DNMT3A: variants seen among roughly 807,000 people sequenced by gnomAD.
DNMT3A encodes DNA (cytosine-5)-methyltransferase 3A.
Under a neutral mutation model 117.6 loss-of-function variants are expected in DNMT3A, and 267 were observed. The ratio of observed to expected loss-of-function variants is 2.27; its 90% CI spans 2.05 to 2.51. The LOEUF (loss-of-function observed/expected upper bound fraction) is 2.51. Ranked by LOEUF, DNMT3A falls within the 30% of genes most tolerant of loss-of-function variation. The pLI, the probability that DNMT3A is intolerant of heterozygous loss-of-function variation, is 0.00. For synonymous variants in DNMT3A, 432 were observed against 474.8 expected, an observed-to-expected ratio of 0.91 and a Z score of 1.17; for missense variants, 1,029 against 1,260.2, an observed-to-expected ratio of 0.82 and a Z score of 2.78.
chr2:25,291,321 G>A (rs901803587), intron 3 of DNMT3A, among the ~76,000 whole-genome samples: 14 of 152,274 alleles, frequency 9.2e-5, no homozygotes, highest in East Asian at 1.9e-4. Flanking sequence ...GCCCGCCCCC[G>A]CCCTTCCGGC....
chr2:25,276,142 G>A (rs2031392028), intron 4 of DNMT3A, among the ~76,000 whole-genome samples: 1 of 152,146 alleles, frequency 6.6e-6, no homozygotes, highest in Non-Finnish European at 1.5e-5. Context: ...AAATAAGGAT[G>A]CTGGATGCGA....
At position 25,244,340 on chromosome 2, in the gene DNMT3A, T is replaced by C. The variant is rs764270325; in HGVS notation, c.1668-2A>G. 1.9e-6 allele frequency: 3 copies of C among 1,599,820 alleles called. No homozygotes were observed. The highest frequency in any genetic ancestry group is 2.6e-6 in the Non-Finnish European group (3 of 1,173,788). ...TCCACACACTCCACGCAAAAGCACC[T>C]GGAAGGAGACCCAGTGAGCAGAGGA... is the stretch of plus-strand genomic sequence containing the variant. On this transcript the variant is annotated splice_acceptor_variant, in intron 14 of 22. Coordinates refer to ENST00000321117, the MANE Select transcript of DNMT3A (RefSeq NM_022552.5). LOFTEE classifies it high-confidence loss of function.
rs934060870 is a variant in DNMT3A, at chr2:25,252,213, C to T, written c.640-3961G>A. 5.1e-6 allele frequency: 8 copies of T among 1,560,804 alleles called. No individual in the cohort carries two copies. Among genetic ancestry groups the T allele is most frequent in the Non-Finnish European group, 6.1e-6 (7 of 1,154,954 alleles). On this transcript the variant is annotated intron_variant, in intron 6 of 22. Transcript: ENST00000321117. This position sits in a 1 kb window ranked among gnomAD's most constrained non-coding sequence, Gnocchi z 5.5. ...ACCTACCCATAAGGCCAGGTGCAGC[C>T]CCTCTGCAGTCGCGCTCAGGTGTGA... is the stretch of plus-strand genomic sequence containing the variant.
At chr2:25,255,858 G>A (rs1287092716) in intron 6 of DNMT3A, among the ~76,000 whole-genome samples, 1 of 152,204 alleles carries the variant, frequency 6.6e-6, no homozygotes, top group African/African-American at 2.4e-5. Context: ...GAATTGAGAC[G>A]AGACACTAGC....
rs1489648613 is a variant in DNMT3A, at chr2:25,244,341, G to C, written c.1668-3C>G. Reference sequence around the variant, plus strand: ...CCACACACTCCACGCAAAAGCACCTGGAAGGAGACCCAGTGAGCAGAGGAG... The same window carrying C: ...CCACACACTCCACGCAAAAGCACCTCGAAGGAGACCCAGTGAGCAGAGGAG... On this transcript the variant is annotated splice_polypyrimidine_tract_variant and splice_region_variant and intron_variant, in intron 14 of 22. Transcript: ENST00000321117. The C allele has an allele frequency of 1.2e-6, 2 of 1,600,696 alleles. No homozygotes were observed. Among genetic ancestry groups the C allele is most frequent in the Non-Finnish European group, 1.7e-6 (2 of 1,173,848 alleles).
chr2:25,289,211 T>C (rs2032563798), intron 3 of DNMT3A, among the ~76,000 whole-genome samples: 1 of 151,718 alleles, frequency 6.6e-6, no homozygotes, highest in Admixed American at 6.6e-5. Flanking sequence ...CAAGCGACTC[T>C]CCTGCCTCAG....
chr2:25,337,182 C>T lies in DNMT3A; in HGVS notation c.-178+4644G>A, dbSNP rs184051477. Among the ~76,000 whole-genome samples the T allele has an allele frequency of 1.3e-5, 2 of 152,286 alleles. No individual in the cohort carries two copies. Among genetic ancestry groups the T allele is most frequent in the Admixed American group, 1.3e-4 (2 of 15,304 alleles). ...GTGGAAGCAAAACAACCTGTTGACA[C>T]GAGATTTGTTCAACTCAACAGATTG... On this transcript the variant is annotated intron_variant, in intron 1 of 22. Transcript: ENST00000321117. The surrounding 1 kb of genome is among the most constrained non-coding windows in gnomAD (Gnocchi z 5.0).
Position 25,252,629 on chromosome 2 carries a change from C to CGGGAG in DNMT3A, c.640-4382_640-4378dup, listed in dbSNP as rs1461945911. 4.1e-5 allele frequency among the ~76,000 whole-genome samples: 6 copies of CGGGAG among 146,656 alleles called. No homozygotes were observed. Among genetic ancestry groups the CGGGAG allele is most frequent in the Admixed American group, 6.7e-5 (1 of 14,848 alleles). The stretch of plus-strand genomic sequence containing the variant: ...AGAGATTAGCGCGGGGCCGGGGGGC[C>CGGGAG]GGGAGGGGAGGGAAGGGGCTGCTCC... On this transcript the variant is annotated intron_variant, in intron 6 of 22. Coordinates refer to ENST00000321117, the MANE Select transcript of DNMT3A (RefSeq NM_022552.5). This position sits in a 1 kb window ranked among gnomAD's most constrained non-coding sequence, Gnocchi z 5.5.
intron 6 of DNMT3A, among the ~76,000 whole-genome samples, chr2:25,259,954 C>G (rs151017972): frequency 1.3e-5 from 2 of 152,220 alleles, no homozygotes; most frequent in Admixed American, 6.5e-5. Flanking sequence ...CTTTCCCCCC[C>G]AACCCTGTTT....
Position 25,228,689 on chromosome 2 carries a change from A to G in DNMT3A, c.*5590T>C, listed in dbSNP as rs1162360095. 1 of 152,234 alleles carries G rather than the reference A, an allele frequency of 6.6e-6. No homozygotes were observed. Among genetic ancestry groups the G allele is most frequent in the Non-Finnish European group, 1.5e-5 (1 of 68,042 alleles). 9.4% of individuals were successfully genotyped at this position (152,234 alleles called of 1,614,324 possible). ...GTCCAGACAGCAGACTTAATTTAAC[A>G]ATATATATTTTTAATAAAATGTTTT... On this transcript the variant is annotated 3_prime_UTR_variant, in exon 23 of 23. Transcript: ENST00000321117.
Position 25,293,368 on chromosome 2 carries a change from C to T in DNMT3A, c.177+6771G>A, listed in dbSNP as rs946931214. ...GGTGCCAGAGCCAATTTCTCAAACA[C>T]GACTCCCATCACGTCATATCCGCCT... On this transcript the variant is annotated intron_variant, in intron 3 of 22. Transcript: ENST00000321117. This position sits in a 1 kb window ranked among gnomAD's most constrained non-coding sequence, Gnocchi z 4.7. Among the ~76,000 whole-genome samples, 1 of 152,212 alleles carries T rather than the reference C, an allele frequency of 6.6e-6. No homozygotes were observed. The highest frequency in any genetic ancestry group is 6.5e-5 in the Admixed American group (1 of 15,290).
rs1488310625 is a variant in DNMT3A at position 25,254,310 on chromosome 2, T to C, written c.640-6058A>G. Among the ~76,000 whole-genome samples the C allele has an allele frequency of 6.6e-6, 1 of 151,900 alleles. No homozygotes were observed. Among genetic ancestry groups the C allele is most frequent in the Non-Finnish European group, 1.5e-5 (1 of 67,980 alleles). Reference sequence around the variant, plus strand: ...GTGCTGGTATAATGAAGTCACGAGATGTGCAGTGAGGGAGCCCCCCCTCCC... The same window carrying C: ...GTGCTGGTATAATGAAGTCACGAGACGTGCAGTGAGGGAGCCCCCCCTCCC... On this transcript the variant is annotated intron_variant, in intron 6 of 22. Transcript: ENST00000321117. This position sits in a 1 kb window ranked among gnomAD's most constrained non-coding sequence, Gnocchi z 4.7.
intron 3 of DNMT3A, among the ~76,000 whole-genome samples, chr2:25,295,993 G>A (rs7587636): frequency 0.5 from 76,593 of 152,028 alleles, 19,729 homozygotes; most frequent in Non-Finnish European, 0.54. Context: ...TAAATTCTCA[G>A]TGCACCAAGA....
At chr2:25,275,695 C>T in intron 4 of DNMT3A, 152 bp from the exon 5 acceptor site, 1 of 824,438 alleles carries the variant, frequency 1.2e-6, no homozygotes, top group Non-Finnish European at 1.8e-6. Flanking sequence ...TGATGGCCCA[C>T]CACATGCCAG....
rs1573417339 is a variant in DNMT3A, at chr2:25,281,253, G to T, written c.448+1188C>A. Among the ~76,000 whole-genome samples the T allele has an allele frequency of 6.6e-6, 1 of 152,176 alleles. No homozygotes were observed. The highest frequency in any genetic ancestry group is 2.1e-4 in the South Asian group (1 of 4,830). ...ATGAGCCCTGGATCTGCCACTTAAGGTTGGGGCTCCATGAGCAAGTCACAT... is the reference window on the plus strand; with the variant it reads ...ATGAGCCCTGGATCTGCCACTTAAGTTTGGGGCTCCATGAGCAAGTCACAT... On this transcript the variant is annotated intron_variant, in intron 4 of 22. Coordinates refer to ENST00000321117, the MANE Select transcript of DNMT3A (RefSeq NM_022552.5). The surrounding 1 kb of genome is among the most constrained non-coding windows in gnomAD (Gnocchi z 4.8).
intron 3 of DNMT3A, among the ~76,000 whole-genome samples, chr2:25,290,319 G>GTTTTTTTTTT (rs1215617022): frequency 4.5e-5 from 6 of 134,498 alleles, no homozygotes; most frequent in African/African-American, 6.0e-5. Context: ...TTATGGAAGT[G>GTTTTTTTTTT]ATTTTTTTTT....
chr2:25,253,414 G>A (rs567872151), intron 6 of DNMT3A, among the ~76,000 whole-genome samples: 4 of 152,320 alleles, frequency 2.6e-5, no homozygotes, highest in African/African-American at 9.6e-5. Context: ...GGGCGGCATG[G>A]ATGACAAAAG....
chr2:25,329,885 G>A (rs913430774), intron 1 of DNMT3A, among the ~76,000 whole-genome samples: 17 of 152,180 alleles, frequency 1.1e-4, no homozygotes, highest in Admixed American at 9.8e-4. Flanking sequence ...AGGCACACGC[G>A]TTGCACATTT....
At chr2:25,248,962 A>C (rs1000669169) in intron 6 of DNMT3A, among the ~76,000 whole-genome samples, 2 of 152,156 alleles carry the variant, frequency 1.3e-5, no homozygotes, top group Non-Finnish European at 2.9e-5. Flanking sequence ...GGTGTGCTGC[A>C]CCCATTAACT....
Sources: gnomAD v4.1 joint callset for allele counts (sites outside exome capture counted in the v4.1 genomes callset) on GRCh38, gnomAD v4.1.1 for gene constraint, Gnocchi (gnomAD v3.1) non-coding constraint, MANE v1.5 for transcripts, NCBI Gene and HGNC (gene_info 2026-07-23, HGNC 2026-07-21) for gene names.